Variants in TTLL5 observed in about 807,000 individuals in gnomAD.
The protein encoded by TTLL5 is tubulin polyglutamylase TTLL5.
TTLL5 carries 132 observed loss-of-function variants against 168.4 expected under a neutral mutation model. The observed-to-expected ratio is 0.78, with a 90% CI of 0.68 to 0.91. The LOEUF is 0.91. TTLL5 is among the 40% of genes least tolerant of loss of function. The pLI is 0.00. For missense variants in TTLL5, 1,545 were observed against 1,581.5 expected (o/e 0.98, Z 0.39); for synonymous variants, 546 against 558.6 (o/e 0.98, Z 0.32).
At chr14:75,847,827 A>G (rs1000760767) in intron 28 of TTLL5, 1 of 151,962 alleles carries the variant, frequency 6.6e-6, no homozygotes, top group African/African-American at 2.4e-5. Flanking sequence ...CCAACCACAG[A>G]GTTTCTAATT....
intron 28 of TTLL5, among the ~76,000 whole-genome samples, chr14:75,848,233 T>C (rs1319012026): frequency 6.6e-6 from 1 of 151,992 alleles, no homozygotes; most frequent in African/African-American, 2.4e-5. Context: ...GCCTAACTGA[T>C]GTGATGGGGC....
At chr14:75,666,692 GC>G (rs1173632540) in intron 2 of TTLL5, among the ~76,000 whole-genome samples, 3 of 152,106 alleles carry the variant, frequency 2.0e-5, no homozygotes, top group Non-Finnish European at 4.4e-5. Context: ...AGTGGGGAAG[GC>G]ATTTCTAATA....
At chr14:75,685,733 C>G (rs1255212225) in intron 5 of TTLL5, among the ~76,000 whole-genome samples, 1 of 152,160 alleles carries the variant, frequency 6.6e-6, no homozygotes, top group Non-Finnish European at 1.5e-5. Flanking sequence ...TATATTTGAG[C>G]ACTTTCCTAG....
In TTLL5 at chr14:75,914,033, AAT is replaced by A. The variant is rs1182456559; in HGVS notation, c.3823+11830_3823+11831del. Among the ~76,000 whole-genome samples the A allele has an allele frequency of 1.9e-3, 137 of 71,038 alleles. 3 individuals carry two copies. Among genetic ancestry groups the A allele is most frequent in the East Asian group, 3.5e-3 (8 of 2,286 alleles). 46.6% of individuals were successfully genotyped at this position (71,038 alleles called of 152,430 possible). ...GTTTAAAAGGAAAAAAAAAAAAAAA[AAT>A]ATATATATATATATATATATTTTAT... is the stretch of plus-strand genomic sequence containing the variant. On this transcript the variant is annotated intron_variant, in intron 31 of 31. Coordinates refer to ENST00000298832, the MANE Select transcript of TTLL5 (RefSeq NM_015072.5).
At chr14:75,807,524 G>A (rs867275919) in intron 27 of TTLL5, among the ~76,000 whole-genome samples, 1 of 152,182 alleles carries the variant, frequency 6.6e-6, no homozygotes, top group African/African-American at 2.4e-5. Flanking sequence ...CTTTGTACTA[G>A]GCACTGTGCC....
intron 12 of TTLL5, 134 bp downstream of exon 12, chr14:75,720,837 G>GT: frequency 6.7e-6 from 5 of 745,640 alleles, no homozygotes; most frequent in Non-Finnish European, 1.1e-5. Context: ...CTAAGCTCAT[G>GT]TAGCATATGA....
rs371190621 is a variant in TTLL5, at chr14:75,799,791, G to A, written c.3171+6691G>A. Among the ~76,000 whole-genome samples the A allele has an allele frequency of 2.6e-4, 39 of 152,318 alleles. No homozygotes were observed. In the East Asian group the frequency reaches 6.0e-3, roughly 23 times the overall value. ...TTTTGTTTAAGGAGGCTAAACATAG[G>A]ACCCCACTCCCTTCTAGCTTTTAGG... On this transcript the variant is annotated intron_variant, in intron 27 of 31. Coordinates refer to ENST00000298832, the MANE Select transcript of TTLL5 (RefSeq NM_015072.5).
chr14:75,927,197 A>G (rs2034102475), intron 31 of TTLL5, among the ~76,000 whole-genome samples: 2 of 152,246 alleles, frequency 1.3e-5, no homozygotes, highest in Non-Finnish European at 2.9e-5. Context: ...AAATAAGCAC[A>G]TCATGGAGAA....
chr14:75,931,401 C>A (rs1376218984), intron 31 of TTLL5, among the ~76,000 whole-genome samples: 1 of 152,166 alleles, frequency 6.6e-6, no homozygotes, highest in African/African-American at 2.4e-5. Flanking sequence ...ATTTGATTAT[C>A]ATTATTATAC....
intron 17 of TTLL5, among the ~76,000 whole-genome samples, chr14:75,748,779 T>G (rs1194727900): frequency 6.6e-6 from 1 of 152,230 alleles, no homozygotes; most frequent in African/African-American, 2.4e-5. Context: ...ACTGTCAGAC[T>G]TCTTAATTTT....
intron 15 of TTLL5, among the ~76,000 whole-genome samples, chr14:75,739,850 A>G (rs1490061412): frequency 2.6e-5 from 4 of 152,170 alleles, no homozygotes; most frequent in African/African-American, 9.7e-5. Flanking sequence ...ACTCCCCTTC[A>G]CACTTTTGAG....
At chr14:75,824,901 T>C (rs1301633426) in intron 28 of TTLL5, among the ~76,000 whole-genome samples, 3 of 152,186 alleles carry the variant, frequency 2.0e-5, no homozygotes, top group African/African-American at 7.2e-5. Context: ...TTGAAAAGCA[T>C]GTTACCTTTA....
intron 2 of TTLL5, among the ~76,000 whole-genome samples, chr14:75,666,551 A>G (rs1883277662): frequency 1.3e-5 from 2 of 152,360 alleles, no homozygotes; most frequent in South Asian, 4.1e-4. Flanking sequence ...ATTATTAACA[A>G]TCAATTATAA....
chr14:75,928,114 G>A (rs754351226), intron 31 of TTLL5, among the ~76,000 whole-genome samples: 10 of 151,744 alleles, frequency 6.6e-5, no homozygotes, highest in Non-Finnish European at 1.0e-4. Flanking sequence ...GTCTGTAGGC[G>A]AAACCCTTTC....
In TTLL5 at chr14:75,813,059, G is replaced by A. The variant is rs185848061; in HGVS notation, c.3172-6948G>A. 2.0e-4 allele frequency among the ~76,000 whole-genome samples: 31 copies of A among 152,288 alleles called. No homozygotes were observed. In the East Asian group the frequency reaches 5.8e-3, roughly 28 times the overall value. On this transcript the variant is annotated intron_variant, in intron 27 of 31. Coordinates refer to ENST00000298832, the MANE Select transcript of TTLL5 (RefSeq NM_015072.5). ...TCAGGCAGACCAGGAATTGAATCCA[G>A]GGGCTGACACATAATAATTATTTGT...
intron 31 of TTLL5, among the ~76,000 whole-genome samples, chr14:75,914,878 C>G (rs1439599028): frequency 6.6e-6 from 1 of 152,152 alleles, no homozygotes; most frequent in Non-Finnish European, 1.5e-5. Context: ...CCACCTTGGC[C>G]TCCCAAAGTG....
At chr14:75,888,838 G>A (rs1314132653) in intron 30 of TTLL5, among the ~76,000 whole-genome samples, 1 of 151,844 alleles carries the variant, frequency 6.6e-6, no homozygotes, top group Non-Finnish European at 1.5e-5. Flanking sequence ...AGGAGGCGGA[G>A]GCTGGAGAAT....
chr14:75,715,904 A>G (rs995528689), intron 9 of TTLL5, among the ~76,000 whole-genome samples: 2 of 152,060 alleles, frequency 1.3e-5, no homozygotes, highest in African/African-American at 4.8e-5. Flanking sequence ...GACTTTTGTC[A>G]GGCTTTTCAT....
Position 75,738,837 on chromosome 14 carries a change from C to T in TTLL5, c.1281+3548C>T, listed in dbSNP as rs892076619. 2.0e-5 allele frequency among the ~76,000 whole-genome samples: 3 copies of T among 152,280 alleles called. No homozygotes were observed. The South Asian group carries it at 6.2e-4, about 32-fold the overall frequency. ...CTTACTTATTTGAGACAGCGTGTCA[C>T]TCCATCACCCAGGCTGGAGTGCAGT... On this transcript the variant is annotated intron_variant, in intron 15 of 31. Coordinates refer to ENST00000298832, the MANE Select transcript of TTLL5 (RefSeq NM_015072.5).
Sources: allele counts gnomAD v4.1 joint callset (sites outside exome capture counted in the v4.1 genomes callset), GRCh38; gene constraint gnomAD v4.1.1; transcripts MANE v1.5; gene names NCBI Gene and HGNC (gene_info 2026-07-23, HGNC 2026-07-21).